Variants in TRPM7 observed in about 807,000 individuals in gnomAD.
TRPM7 encodes LTRPC ion channel family member 7.
A neutral mutation model predicts 229.7 loss-of-function variants in TRPM7; 134 were observed. That is an observed-to-expected ratio of 0.58 (90% confidence interval 0.51 to 0.67). The LOEUF (loss-of-function observed/expected upper bound fraction) is 0.67, where lower values mean the gene tolerates loss of function less well. Among genes scored for constraint, TRPM7 ranks in the 30% least tolerant of loss-of-function variants. TRPM7 has a pLI of 0.00. For missense variants in TRPM7, 1,901 were observed against 2,210.0 expected (o/e 0.86, Z 2.80); for synonymous variants, 699 against 715.2 (o/e 0.98, Z 0.36).
intron 13 of TRPM7, among the ~76,000 whole-genome samples, chr15:50,615,874 C>T (rs1001772193): frequency 6.6e-6 from 1 of 152,008 alleles, no homozygotes; most frequent in African/African-American, 2.4e-5. Flanking sequence ...CTAGCATGGG[C>T]AACAAAGGCG....
chr15:50,686,704 G>A lies in TRPM7; in HGVS notation c.-171C>T, dbSNP rs1219569234. 2 of 841,628 alleles carry A rather than the reference G, an allele frequency of 2.4e-6. No individual in the cohort carries two copies. Among genetic ancestry groups the A allele is most frequent in the Non-Finnish European group, 3.5e-6 (2 of 565,048 alleles). 52.1% of individuals were successfully genotyped at this position (841,628 alleles called of 1,614,324 possible). On this transcript the variant is annotated 5_prime_UTR_variant, in exon 1 of 39. Transcript: ENST00000646667. ...CTCAGCTCCGGCGCTAGCAGCAGAA[G>A]CCGAGTCTTTCATAATTGTGCGACC...
At chr15:50,677,738 C>CAAAAAAAAAAAAAAA (rs10652951) in intron 1 of TRPM7, among the ~76,000 whole-genome samples, 1 of 38,178 alleles carries the variant, frequency 2.6e-5, no homozygotes, top group Non-Finnish European at 5.1e-5. Flanking sequence ...GACCCCGTAT[C>CAAAAAAAAAAAAAAA]AAAAAAAAAA....
intron 1 of TRPM7, among the ~76,000 whole-genome samples, chr15:50,676,987 G>C (rs1379704937): frequency 6.6e-6 from 1 of 152,314 alleles, no homozygotes; most frequent in East Asian, 1.9e-4. Flanking sequence ...TTGTAGGAGA[G>C]ACAGTTTGGA....
chr15:50,614,631 C>G (rs920924066), intron 13 of TRPM7, among the ~76,000 whole-genome samples: 5 of 142,640 alleles, frequency 3.5e-5, no homozygotes, highest in Non-Finnish European at 3.0e-5. Flanking sequence ...TGCCACTGCA[C>G]TCCAGCCTGG....
Position 50,596,265 on chromosome 15 carries a change from CA to C in TRPM7, c.3279del (p.Ile1093MetfsTer11). On this transcript the variant is annotated frameshift_variant, in exon 23 of 39. Transcript: ENST00000646667. LOFTEE classifies it high-confidence loss of function. ...VQYIIMVNLLIAFFNNVYLQV... is the reference protein window; with the variant it reads ...VQYIIMVNLLXAFFNNVYLQV... The stretch of plus-strand genomic sequence containing the variant: ...GAACAAAATTCTTACTTGAAAAATG[CA>C]ATAAGAAGATTAACCATAATGATAT... 1.3e-6 allele frequency: 2 copies of C among 1,510,220 alleles called. No homozygotes were observed. The highest frequency in any genetic ancestry group is 1.4e-5 in the South Asian group (1 of 73,674). The allele number at this position is 1,510,220 out of a possible 1,614,324, so 93.6% of individuals were successfully genotyped here.
intron 2 of TRPM7, among the ~76,000 whole-genome samples, chr15:50,662,360 G>A (rs2061747360): frequency 6.6e-6 from 1 of 151,206 alleles, no homozygotes; most frequent in South Asian, 2.1e-4. Flanking sequence ...AATAATTTTG[G>A]CAAAAATGTT....
Position 50,574,342 on chromosome 15 carries a change from A to G in TRPM7, c.5240T>C (p.Ile1747Thr). 1 of 1,614,024 alleles carries G rather than the reference A, an allele frequency of 6.2e-7. No homozygotes were observed. The highest frequency in any genetic ancestry group is 1.1e-5 in the South Asian group (1 of 91,078). Reference sequence around the variant, plus strand: ...AGTCCAGTGGCTAAAGGCTAGCATGATCTCTTCCAGAGTATTAGTTGGAAT... The same window carrying G: ...AGTCCAGTGGCTAAAGGCTAGCATGGTCTCTTCCAGAGTATTAGTTGGAAT... ...EIIPTNTLEE[I>T]MLAFSHWTYE... Residue 1747 changes from isoleucine (I) to threonine (T), a missense_variant, in exon 36 of 39, where the codon ATC becomes ACC. Physicochemically the swap from Ile to Thr is moderately conservative, Grantham distance 89. Around this residue, in one of 8 missense-constraint regions of TRPM7, gnomAD observed 257 missense variants for 352.0 expected, o/e 0.73. Coordinates refer to ENST00000646667, the MANE Select transcript of TRPM7 (RefSeq NM_017672.6).
Position 50,609,931 on chromosome 15 carries a change from T to C in TRPM7, c.2311A>G (p.Ile771Val), listed in dbSNP as rs1555413318. ...TTAGTTTTATACTCTAACAGCAATA[T>C]GGCAGGTGGAACTAAAATGCTTAGT... is the stretch of plus-strand genomic sequence containing the variant. ...VILSILVPPA[I>V]LLLEYKTKAE... The change falls in exon 18 of 39, where the codon ATA (isoleucine) becomes GTA (valine). Residue 771 changes from isoleucine to valine, a missense_variant. By Grantham distance (29) the Ile-to-Val change is conservative. Coordinates refer to ENST00000646667, the MANE Select transcript of TRPM7 (RefSeq NM_017672.6). 7 of 1,608,154 alleles carry C rather than the reference T, an allele frequency of 4.4e-6. No individual in the cohort carries two copies. The highest frequency in any genetic ancestry group is 2.7e-5 in the African/African-American group (2 of 74,820).
In TRPM7 at chr15:50,679,144, T is replaced by C. The variant is rs143985864; in HGVS notation, c.3+7387A>G. ...GCCTCAGCCTTCCAAAGTGCTGGGATTACAGGCATTAACCACCGCACCCAG... is the reference window on the plus strand; with the variant it reads ...GCCTCAGCCTTCCAAAGTGCTGGGACTACAGGCATTAACCACCGCACCCAG... On this transcript the variant is annotated intron_variant, in intron 1 of 38. Coordinates refer to ENST00000646667, the MANE Select transcript of TRPM7 (RefSeq NM_017672.6). 3.2e-3 allele frequency among the ~76,000 whole-genome samples: 455 copies of C among 143,156 alleles called. 5 individuals are homozygous for C. The highest frequency in any genetic ancestry group is 0.011 in the African/African-American group (425 of 37,036). The allele number at this position is 143,156 out of a possible 152,430, so 93.9% of individuals were successfully genotyped here. A position where few individuals can be genotyped will look rare whatever the true frequency, so the allele number is the denominator to read the frequency against.
In TRPM7 at chr15:50,634,412, G is replaced by C. The variant is rs28579614; in HGVS notation, c.977C>G (p.Ala326Gly). The change falls in exon 8 of 39, where the codon GCG (alanine) becomes GGG (glycine). Residue 326 changes from alanine to glycine, a missense_variant. This residue lies in a region of TRPM7 where 794 missense variants were observed against 881.9 expected (regional missense o/e 0.90). Coordinates refer to ENST00000646667, the MANE Select transcript of TRPM7 (RefSeq NM_017672.6). ...EGTGRAADLL[A>G]YIHKQTEEGG... is the part of the protein sequence containing the mutation. The stretch of plus-strand genomic sequence containing the variant: ...TTCTTCTGTTTGTTTATGAATATAC[G>C]CTAGCAGATCTGCAGCTCTGCCTGT... 1.3e-6 allele frequency: 2 copies of C among 1,582,362 alleles called. No homozygotes were observed. Among genetic ancestry groups the C allele is most frequent in the African/African-American group, 1.4e-5 (1 of 72,298 alleles).
intron 12 of TRPM7, among the ~76,000 whole-genome samples, chr15:50,620,049 T>C (rs1428224048): frequency 6.6e-6 from 1 of 152,220 alleles, no homozygotes; most frequent in Non-Finnish European, 1.5e-5. Flanking sequence ...TACAATTGTA[T>C]CTTAAATTTA....
intron 30 of TRPM7, among the ~76,000 whole-genome samples, chr15:50,578,869 T>C (rs1596083218): frequency 2.6e-5 from 4 of 151,224 alleles, no homozygotes; most frequent in South Asian, 2.1e-4. Flanking sequence ...TATATCCATA[T>C]GTATCTACTT....
In TRPM7 at chr15:50,557,998, T is replaced by C. The variant is rs948365009; in HGVS notation, c.*3680A>G. On this transcript the variant is annotated 3_prime_UTR_variant, in exon 39 of 39. Transcript: ENST00000646667. ...AAGAGTTTTATTCTCTTCAGTAAGA[T>C]GAGGTTGAGAATAAAAAATTAAAAA... 4 of 152,286 alleles carry C rather than the reference T, an allele frequency of 2.6e-5. No individual in the cohort carries two copies. Among genetic ancestry groups the C allele is most frequent in the African/African-American group, 9.6e-5 (4 of 41,552 alleles). The allele number at this position is 152,286 out of a possible 1,614,324, so 9.4% of individuals were successfully genotyped here. A position where few individuals can be genotyped will look rare whatever the true frequency, so the allele number is the denominator to read the frequency against.
chr15:50,674,529 G>A (rs1246910228), intron 1 of TRPM7, among the ~76,000 whole-genome samples: 2 of 152,100 alleles, frequency 1.3e-5, no homozygotes, highest in African/African-American at 4.8e-5. Context: ...ATTTTTAATG[G>A]TTTTTGTCTT....
chr15:50,574,962 C>T lies in TRPM7; in HGVS notation c.4909G>A (p.Asp1637Asn). ...VKVQCTWSEH[D>N]ILKSGHLYII... The stretch of plus-strand genomic sequence containing the variant: ...TAAAGATGCCCTGATTTGAGGATAT[C>T]ATGTTCTGACCAGGTACACTGTACT... The change falls in exon 34 of 39, where the codon GAT becomes AAT. Residue 1637 changes from aspartate to asparagine, a missense_variant. By Grantham distance (23) the Asp-to-Asn change is conservative. Transcript: ENST00000646667. The T allele has an allele frequency of 6.2e-7, 1 of 1,614,144 alleles. No homozygotes were observed. The highest frequency in any genetic ancestry group is 8.5e-7 in the Non-Finnish European group (1 of 1,180,004).
intron 17 of TRPM7, 115 bp from the exon 18 acceptor site, chr15:50,610,076 A>G: frequency 1.2e-6 from 1 of 803,162 alleles, no homozygotes; most frequent in African/African-American, 1.7e-5. Context: ...GTGATTAGCC[A>G]TTTTGCCCCT....
intron 27 of TRPM7, among the ~76,000 whole-genome samples, chr15:50,587,581 A>G (rs1456301327): frequency 6.6e-6 from 1 of 152,074 alleles, no homozygotes; most frequent in East Asian, 1.9e-4. Flanking sequence ...TAAGTTCATT[A>G]TTAAAAAGGT....
At chr15:50,666,324 C>T (rs1163038699) in intron 1 of TRPM7, among the ~76,000 whole-genome samples, 4 of 151,702 alleles carry the variant, frequency 2.6e-5, no homozygotes, top group Non-Finnish European at 5.9e-5. Context: ...CCTGTAGACC[C>T]AGCTACTTAG....
intron 13 of TRPM7, among the ~76,000 whole-genome samples, chr15:50,616,623 T>A (rs28712268): frequency 0.058 from 8,862 of 152,094 alleles, 331 homozygotes; most frequent in African/African-American, 0.11. Context: ...ATAAATGCTC[T>A]AAAGTTAGAC....
Sources: allele counts gnomAD v4.1 joint callset (sites outside exome capture counted in the v4.1 genomes callset), GRCh38; gene constraint gnomAD v4.1.1; regional missense constraint gnomAD v4.1.1; transcripts MANE v1.5; gene names NCBI Gene and HGNC (gene_info 2026-07-23, HGNC 2026-07-21).